Variants in ABCA13 observed in about 807,000 individuals in gnomAD.
The protein encoded by ABCA13 is ATP binding cassette subfamily A member 13, also known as ATP-binding cassette sub-family A member 13.
Under a neutral mutation model 478.7 loss-of-function variants are expected in ABCA13, and 476 were observed. The ratio of observed to expected loss-of-function variants is 0.99; its 90% CI spans 0.92 to 1.07. ABCA13 has a LOEUF of 1.07. ABCA13 is among the 50% of genes least tolerant of loss of function. The pLI is 0.00. For synonymous variants in ABCA13, 2,252 were observed against 2,158.9 expected (o/e 1.04, Z -1.20); for missense variants, 6,060 against 5,910.6 (o/e 1.03, Z -0.83).
intron 28 of ABCA13, 53 bp from the exon 29 acceptor site, chr7:48,338,312 A>C: frequency 7.6e-7 from 1 of 1,309,588 alleles, no homozygotes; most frequent in Non-Finnish European, 1.0e-6. Context: ...AGTATTATTC[A>C]ATAATACGAA....
intron 41 of ABCA13, among the ~76,000 whole-genome samples, chr7:48,413,273 A>T (rs1424067608): frequency 6.6e-6 from 1 of 152,168 alleles, no homozygotes; most frequent in East Asian, 1.9e-4. Context: ...CATGCTGGGT[A>T]TCCGTGATGT....
Position 48,278,122 on chromosome 7 carries a change from A to G in ABCA13, c.6928A>G (p.Ile2310Val). 1 of 1,368,514 alleles carries G rather than the reference A, an allele frequency of 7.3e-7. No homozygotes were observed. The highest frequency in any genetic ancestry group is 9.6e-7 in the Non-Finnish European group (1 of 1,037,666). The allele number at this position is 1,368,514 out of a possible 1,614,324, so 84.8% of individuals were successfully genotyped here. A position where few individuals can be genotyped will look rare whatever the true frequency, so the allele number is the denominator to read the frequency against. Residue 2310 changes from isoleucine (I) to valine (V), a missense_variant, in exon 18 of 62, where the codon ATT becomes GTT. Transcript: ENST00000435803. ...SFVPKDKILE[I>V]LKLDQFLTLM... ...TGTCCCAAAAGATAAAATTCTAGAA[A>G]TTCTGAAACTGGATCAATTTCTTAC...
chr7:48,616,134 G>A (rs903188781), intron 59 of ABCA13, among the ~76,000 whole-genome samples: 1 of 152,040 alleles, frequency 6.6e-6, no homozygotes, highest in Non-Finnish European at 1.5e-5. Flanking sequence ...CATTTATTCA[G>A]TGTTTTTAAG....
intron 8 of ABCA13, among the ~76,000 whole-genome samples, chr7:48,235,836 TTCTGTTTTTCAC>T (rs1372405093): frequency 1.0e-5 from 1 of 98,742 alleles, no homozygotes; most frequent in African/African-American, 3.9e-5. Flanking sequence ...CTGATGACCA[TTCTGTTTTTCAC>T]TTTCAGTATA....
rs1335113351 is a variant in ABCA13, at chr7:48,644,818, A to C, written c.15081+64A>C. The C allele has an allele frequency of 2.1e-6, 3 of 1,416,348 alleles. No homozygotes were observed. The African/African-American group carries it at 4.4e-5, about 21-fold the overall frequency. 87.7% of individuals were successfully genotyped at this position (1,416,348 alleles called of 1,614,324 possible). A position where few individuals can be genotyped will look rare whatever the true frequency, so the allele number is the denominator to read the frequency against. On this transcript the variant is annotated intron_variant, in intron 61 of 61. Transcript: ENST00000435803. ...TCTGTTCATCAGACCTAATGTAGCC[A>C]ATTTTAAAATTAATCGAATTGCTTC...
At position 48,511,175 on chromosome 7, in the gene ABCA13, C is replaced by T. The variant is rs144637537; in HGVS notation, c.13616C>T (p.Thr4539Met). 1.4e-4 allele frequency: 226 copies of T among 1,613,058 alleles called. 1 individual carries two copies. The African/African-American group carries it at 2.5e-3, about 18-fold the overall frequency. Residue 4539 changes from threonine (T) to methionine (M), a missense_variant, in exon 51 of 62, where the codon ACG (threonine) becomes ATG (methionine). By Grantham distance (81) the Thr-to-Met change is moderately conservative. This residue lies in a region of ABCA13 where 1,627 missense variants were observed against 1,571.0 expected (regional missense o/e 1.04). Transcript: ENST00000435803. ...AFTFRKNLAA[T>M]ALLLSLFGYA... ...ACTTTCCGCAAGAACTTGGCAGCCA[C>T]GGCCCTCCTGCTGTCACTTTTCGGG...
intron 29 of ABCA13, 46 bp downstream of exon 29, chr7:48,338,501 T>C: frequency 6.8e-7 from 1 of 1,470,952 alleles, no homozygotes; most frequent in Non-Finnish European, 9.2e-7. Flanking sequence ...CCCATATGGC[T>C]CTGCCACTTG....
chr7:48,202,755 A>G (rs982274651), intron 3 of ABCA13, among the ~76,000 whole-genome samples: 3 of 152,078 alleles, frequency 2.0e-5, no homozygotes, highest in East Asian at 3.9e-4. Context: ...ACCTTGAGCT[A>G]GATACAGAGT....
Position 48,412,512 on chromosome 7 carries a change from C to A in ABCA13, c.12388C>A (p.Gln4130Lys). ...TDKACLKGLFQALDENLHQLH... is the reference protein window; with the variant it reads ...TDKACLKGLFKALDENLHQLH... ...CAAGGCCTGCTTGAAAGGGCTCTTC[C>A]AGGCCCTGGATGAGAACCTGCATCA... Residue 4130 changes from glutamine (Q) to lysine (K), a missense_variant, in exon 41 of 62, where the codon CAG (glutamine) becomes AAG (lysine). By Grantham distance (53) the Gln-to-Lys change is moderately conservative. This residue lies in a region of ABCA13 where 1,627 missense variants were observed against 1,571.0 expected (regional missense o/e 1.04). Transcript: ENST00000435803. The A allele has an allele frequency of 1.2e-6, 2 of 1,613,460 alleles. No individual in the cohort carries two copies. Among genetic ancestry groups the A allele is most frequent in the Non-Finnish European group, 1.7e-6 (2 of 1,179,796 alleles).
chr7:48,497,064 A>G (rs62447294), intron 48 of ABCA13, among the ~76,000 whole-genome samples: 4,873 of 152,090 alleles, frequency 0.032, 126 homozygotes, highest in South Asian at 0.12. Context: ...AGATCAGGTA[A>G]TAAGATTATT....
chr7:48,545,348 C>A (rs1585761052), intron 55 of ABCA13, among the ~76,000 whole-genome samples: 1 of 151,606 alleles, frequency 6.6e-6, no homozygotes, highest in East Asian at 1.9e-4. Context: ...AAAAAAATCT[C>A]CCCTGGAATT....
chr7:48,414,592 A>G (rs2129102732), intron 41 of ABCA13, among the ~76,000 whole-genome samples: 1 of 150,226 alleles, frequency 6.7e-6, no homozygotes, highest in East Asian at 1.9e-4. Flanking sequence ...CATATAATAT[A>G]CATACATATA....
rs1316300873 is a variant in ABCA13, at chr7:48,255,952, C to T, written c.2005+6601C>T. Among the ~76,000 whole-genome samples, 4 of 152,226 alleles carry T rather than the reference C, an allele frequency of 2.6e-5. No individual in the cohort carries two copies. In the South Asian group the frequency reaches 6.2e-4, roughly 24 times the overall value. ...CAGTGTGTAAGTGTTCCCGTTTCTC[C>T]ACAACCTCACCAGCATCTGTTACTT... On this transcript the variant is annotated intron_variant, in intron 15 of 61. Coordinates refer to ENST00000435803, the MANE Select transcript of ABCA13 (RefSeq NM_152701.5).
At chr7:48,419,814 G>A (rs1018968112) in intron 41 of ABCA13, among the ~76,000 whole-genome samples, 6 of 152,026 alleles carry the variant, frequency 3.9e-5, no homozygotes, top group African/African-American at 9.7e-5. Flanking sequence ...ACACACGGAC[G>A]CTAAGAAAGA....
At chr7:48,228,412 C>G (rs931744892) in intron 6 of ABCA13, among the ~76,000 whole-genome samples, 6 of 152,162 alleles carry the variant, frequency 3.9e-5, no homozygotes, top group Admixed American at 3.3e-4. Flanking sequence ...GAGGGCAAGT[C>G]TTAACACTGG....
At chr7:48,324,686 C>A (rs187278212) in intron 27 of ABCA13, among the ~76,000 whole-genome samples, 1 of 152,284 alleles carries the variant, frequency 6.6e-6, no homozygotes, top group Non-Finnish European at 1.5e-5. Flanking sequence ...AAGTAGGAAG[C>A]ACTTGGAAAC....
intron 1 of ABCA13, among the ~76,000 whole-genome samples, chr7:48,190,754 G>A (rs1460023501): frequency 6.6e-6 from 1 of 152,158 alleles, no homozygotes; most frequent in East Asian, 1.9e-4. Flanking sequence ...TATAAGTGCT[G>A]TTATGGAAAA....
chr7:48,234,024 T>C lies in ABCA13; in HGVS notation c.770T>C (p.Val257Ala). The change falls in exon 8 of 62, where the codon GTT becomes GCT. Residue 257 changes from valine (V) to alanine (A), a missense_variant. Around this residue, in one of 3 missense-constraint regions of ABCA13, gnomAD observed 4,423 missense variants for 4,309.1 expected, o/e 1.03. Coordinates refer to ENST00000435803, the MANE Select transcript of ABCA13 (RefSeq NM_152701.5). ...QQHGVAVTEP[V>A]YHLSMQNIVW... Reference sequence around the variant, plus strand: ...TCTTTTGTTATTCCAACAGAGCCAGTTTACCACCTGTCCATGCAGAATATA... The same window carrying C: ...TCTTTTGTTATTCCAACAGAGCCAGCTTACCACCTGTCCATGCAGAATATA... 1 of 1,613,970 alleles carries C rather than the reference T, an allele frequency of 6.2e-7. No individual in the cohort carries two copies. Among genetic ancestry groups the C allele is most frequent in the Non-Finnish European group, 8.5e-7 (1 of 1,179,868 alleles).
chr7:48,290,822 A>T (rs1044439926), intron 20 of ABCA13, among the ~76,000 whole-genome samples: 2 of 151,434 alleles, frequency 1.3e-5, no homozygotes, highest in Admixed American at 1.3e-4. Context: ...GTTCTGACCT[A>T]GTTGTATTTC....
Sources: gnomAD v4.1 joint callset for allele counts (sites outside exome capture counted in the v4.1 genomes callset) on GRCh38, gnomAD v4.1.1 for gene constraint, gnomAD v4.1.1 regional missense constraint, MANE v1.5 for transcripts, NCBI Gene and HGNC (gene_info 2026-07-23, HGNC 2026-07-21) for gene names.